The following STK11IP variants were observed in gnomAD, a reference collection of about 807,000 sequenced individuals.
STK11IP encodes the protein serine/threonine kinase 11 interacting protein, also known as serine/threonine-protein kinase 11-interacting protein.
STK11IP carries 103 observed loss-of-function variants against 131.7 expected under a neutral mutation model. The ratio of observed to expected loss-of-function variants is 0.78; its 90% CI spans 0.67 to 0.92. The LOEUF is 0.92. Among genes scored for constraint, STK11IP ranks in the 40% least tolerant of loss-of-function variants. The pLI is 0.00. For missense variants in STK11IP, 1,315 were observed against 1,385.7 expected, an observed-to-expected ratio of 0.95 and a Z score of 0.81; for synonymous variants, 557 against 575.6, an observed-to-expected ratio of 0.97 and a Z score of 0.46.
In STK11IP at chr2:219,606,746, C is replaced by T. The variant is rs1359119212; in HGVS notation, c.1022C>T (p.Pro341Leu). 1.2e-6 allele frequency: 2 copies of T among 1,613,062 alleles called. No individual in the cohort carries two copies. The highest frequency in any genetic ancestry group is 4.5e-5 in the East Asian group (2 of 44,866). The change falls in exon 12 of 25, where the codon CCA becomes CTA. Residue 341 changes from proline to leucine, a missense_variant. Pro to Leu is a moderately conservative substitution (Grantham distance 98, BLOSUM62 -3). Transcript: ENST00000456909. ...TCCTTGGGGCTCAGCCCCATGGGCC[C>T]ACCTTTGCCCTGGCCAGTGGGGAGT... ...HTSLGLSPMGPPLPWPVGSTP... is the reference protein window; with the variant it reads ...HTSLGLSPMGLPLPWPVGSTP...
At position 219,609,395 on chromosome 2, in the gene STK11IP, T is replaced by G; in HGVS notation, c.1959T>G (p.Asn653Lys). The G allele has an allele frequency of 6.2e-7, 1 of 1,613,750 alleles. No individual in the cohort carries two copies. The highest frequency in any genetic ancestry group is 8.5e-7 in the Non-Finnish European group (1 of 1,179,864). ...ELLAVLTPVT[N>K]VAREQLGEAR... ...TTGCCGTGTTGACCCCAGTCACCAA[T>G]GTGGCTCGGGAACAGCTTGGGGAGG... The change falls in exon 17 of 25, where the codon AAT (asparagine) becomes AAG (lysine). Residue 653 changes from asparagine (N) to lysine (K), a missense_variant. Coordinates refer to ENST00000456909, the MANE Select transcript of STK11IP (RefSeq NM_052902.4).
chr2:219,605,525 G>A, intron 7 of STK11IP, 83 bp from the exon 8 acceptor site: 2 of 1,422,606 alleles, frequency 1.4e-6, no homozygotes, highest in South Asian at 1.3e-5. Flanking sequence ...CAAGGTTGAG[G>A]CCTAGTCCAG....
chr2:219,615,697 C>G (rs1366128634), intron 24 of STK11IP: 3 of 639,966 alleles, frequency 4.7e-6, no homozygotes, highest in Non-Finnish European at 8.9e-6. Flanking sequence ...GTTACTGGTC[C>G]TATTTACAGG....
In STK11IP at chr2:219,598,159, G is replaced by A. The variant is rs749442571; in HGVS notation, c.40G>A (p.Ala14Thr). Residue 14 changes from alanine (A) to threonine (T), a missense_variant, in exon 2 of 25, where the codon GCG becomes ACG. Physicochemically the swap from Ala to Thr is moderately conservative, Grantham distance 58. Coordinates refer to ENST00000456909, the MANE Select transcript of STK11IP (RefSeq NM_052902.4). ...GAGGGACTCCCTGTTGTGGAAGCTC[G>A]CGGGGTTGCTGCGGGAGTCCGGTGA... is the stretch of plus-strand genomic sequence containing the variant. ...AQRDSLLWKL[A>T]GLLRESGDVV... 8 of 1,574,190 alleles carry A rather than the reference G, an allele frequency of 5.1e-6. No homozygotes were observed. The highest frequency in any genetic ancestry group is 1.2e-5 in the South Asian group (1 of 85,956).
At position 219,605,880 on chromosome 2, in the gene STK11IP, T is replaced by TC. The variant is rs1698134465; in HGVS notation, c.746-71dup. The stretch of plus-strand genomic sequence containing the variant: ...TCTGGCCGGTCTTTCTGCTGCAACC[T>TC]CCCCCAGTGCATGCACCACACTCAC... On this transcript the variant is annotated intron_variant, in intron 8 of 24. Coordinates refer to ENST00000456909, the MANE Select transcript of STK11IP (RefSeq NM_052902.4). 1.4e-5 allele frequency: 21 copies of TC among 1,469,332 alleles called. No homozygotes were observed. In the South Asian group the frequency reaches 2.4e-4, roughly 17 times the overall value. 91.0% of individuals were successfully genotyped at this position (1,469,332 alleles called of 1,614,324 possible).
Position 219,613,180 on chromosome 2 carries a change from T to G in STK11IP, c.2492T>G (p.Val831Gly), listed in dbSNP as rs1157625744. 6.2e-7 allele frequency: 1 copy of G among 1,609,488 alleles called. No homozygotes were observed. The highest frequency in any genetic ancestry group is 2.2e-5 in the East Asian group (1 of 44,662). Residue 831 changes from valine (V) to glycine (G), a missense_variant, in exon 20 of 25, where the codon GTG becomes GGG. Val to Gly is a moderately radical substitution (Grantham distance 109). Transcript: ENST00000456909. ...GGGGAGTTCATGTGCCTTGTGGTTG[T>G]GTCTGACCGCAGGCTGTACCTGTTG... Reference protein sequence around the residue: ...HTGEFMCLVVVSDRRLYLLKV... With the variant: ...HTGEFMCLVVGSDRRLYLLKV...
intron 21 of STK11IP, 115 bp from the exon 22 acceptor site, chr2:219,614,046 T>G (rs1049649358): frequency 2.0e-6 from 3 of 1,514,100 alleles, no homozygotes; most frequent in Non-Finnish European, 2.7e-6. Context: ...GACTTGTCCC[T>G]TGTAGAAGTT....
chr2:219,607,874 G>T (rs630063), intron 13 of STK11IP, among the ~76,000 whole-genome samples, 173 bp from the exon 14 acceptor site: 128,358 of 152,130 alleles, frequency 0.84, 58,414 homozygotes, highest in East Asian at 1. Flanking sequence ...GTGACCACAG[G>T]GTTCCATAGG....
At position 219,609,113 on chromosome 2, in the gene STK11IP, C is replaced by G. The variant is rs1374965819; in HGVS notation, c.1826C>G (p.Pro609Arg). ...SPRPTGSDLL[P>R]GAPILSLRFS... Reference sequence around the variant, plus strand: ...GCTGCGCAGGGCTCAGATCTGCTCCCTGGAGCCCCCATCCTCAGTCTGCGC... The same window carrying G: ...GCTGCGCAGGGCTCAGATCTGCTCCGTGGAGCCCCCATCCTCAGTCTGCGC... Residue 609 changes from proline (P) to arginine (R), a missense_variant, in exon 16 of 25, where the codon CCT becomes CGT. Transcript: ENST00000456909. The G allele has an allele frequency of 1.2e-6, 2 of 1,602,266 alleles. No individual in the cohort carries two copies. The highest frequency in any genetic ancestry group is 2.7e-5 in the African/African-American group (2 of 74,766).
At position 219,616,208 on chromosome 2, in the gene STK11IP, C is replaced by A. The variant is rs1247467964; in HGVS notation, c.*15C>A. 1.2e-6 allele frequency: 2 copies of A among 1,610,136 alleles called. No individual in the cohort carries two copies. The highest frequency in any genetic ancestry group is 1.7e-6 in the Non-Finnish European group (2 of 1,178,150). Reference sequence around the variant, plus strand: ...TTGACCGATGAGGGTCCCACGCTGACCTTGGCCCTGACCTCAGGAGCCACG... The same window carrying A: ...TTGACCGATGAGGGTCCCACGCTGAACTTGGCCCTGACCTCAGGAGCCACG... On this transcript the variant is annotated 3_prime_UTR_variant, in exon 25 of 25. Transcript: ENST00000456909.
rs1024319146 is a variant in STK11IP at position 219,612,967 on chromosome 2, T to C, written c.2440-161T>C. 9.9e-6 allele frequency: 6 copies of C among 606,946 alleles called. No homozygotes were observed. In the African/African-American group the frequency reaches 1.1e-4, roughly 11 times the overall value. The allele number at this position is 606,946 out of a possible 1,614,324, so 37.6% of individuals were successfully genotyped here. On this transcript the variant is annotated intron_variant, in intron 19 of 24. Coordinates refer to ENST00000456909, the MANE Select transcript of STK11IP (RefSeq NM_052902.4). ...GGGGCTGCAAGGCAGAGAGCGGTGG[T>C]GGATGAAGAGGCTGTCGAGTGTGAG...
rs377049449 is a variant in STK11IP at position 219,602,021 on chromosome 2, C to T, written c.376C>T (p.Leu126Phe). 4 of 1,611,962 alleles carry T rather than the reference C, an allele frequency of 2.5e-6. No individual in the cohort carries two copies. Among genetic ancestry groups the T allele is most frequent in the African/African-American group, 1.3e-5 (1 of 74,892 alleles). The change falls in exon 5 of 25, where the codon CTC (leucine) becomes TTC (phenylalanine). Residue 126 changes from leucine to phenylalanine, a missense_variant. By Grantham distance (22) the Leu-to-Phe change is conservative (BLOSUM62 0). Coordinates refer to ENST00000456909, the MANE Select transcript of STK11IP (RefSeq NM_052902.4). ...TGTTCCCCTCCACTGTCTGCATGGC[C>T]TCCGAGGCATCTACTCCCAGCTGGA... is the stretch of plus-strand genomic sequence containing the variant. ...RGVPLHCLHG[L>F]RGIYSQLETL...
In STK11IP at chr2:219,616,406, TC is replaced by T. The variant is rs1261964465; in HGVS notation, c.*215del. On this transcript the variant is annotated 3_prime_UTR_variant, in exon 25 of 25. Transcript: ENST00000456909. ...GCCACCTGGTCAGGAGGAATATTTTTCCTGCACTTTTTCTCAGGTATCAATA... is the reference window on the plus strand; with the variant it reads ...GCCACCTGGTCAGGAGGAATATTTTTCTGCACTTTTTCTCAGGTATCAATA... The T allele has an allele frequency of 3.9e-5, 22 of 568,540 alleles. No homozygotes were observed. The highest frequency in any genetic ancestry group is 6.2e-5 in the Admixed American group (2 of 32,228). 35.2% of individuals were successfully genotyped at this position (568,540 alleles called of 1,614,324 possible).
Position 219,612,058 on chromosome 2 carries a change from G to C in STK11IP, c.2439G>C (p.Lys813Asn). 1.3e-6 allele frequency: 2 copies of C among 1,596,838 alleles called. No individual in the cohort carries two copies. Among genetic ancestry groups the C allele is most frequent in the Non-Finnish European group, 1.7e-6 (2 of 1,172,092 alleles). The change falls in exon 19 of 25, where the codon AAG (lysine) becomes AAC (asparagine). Residue 813 changes from lysine to asparagine, a missense_variant and splice_region_variant. Lys to Asn is a moderately conservative substitution (Grantham distance 94, BLOSUM62 0). Transcript: ENST00000456909. ...AGGAGGAGTTCCAGTGCTGCCTCAA[G>C]GTCTGTGCTCCCTGACACTGCCCAT... ...DAQEEFQCCLKVPVALAGHTG... is the reference protein window; with the variant it reads ...DAQEEFQCCLNVPVALAGHTG...
In STK11IP at chr2:219,608,453, C is replaced by T. The variant is rs761825818; in HGVS notation, c.1603+23C>T. The T allele has an allele frequency of 2.1e-5, 32 of 1,536,364 alleles. No individual in the cohort carries two copies. In the East Asian group the frequency reaches 2.8e-4, roughly 14 times the overall value. On this transcript the variant is annotated intron_variant, in intron 14 of 24. Transcript: ENST00000456909. ...AAGGTGAGCCCTTTGTGGGCTGGGG[C>T]GAGCTGAGGCCAGGGGCCCTTGGGA...
chr2:219,604,383 G>A (rs1698085399), intron 7 of STK11IP, among the ~76,000 whole-genome samples: 2 of 152,138 alleles, frequency 1.3e-5, no homozygotes, highest in Admixed American at 6.6e-5. Flanking sequence ...TTTGATCAAG[G>A]TGAGAACCTC....
intron 2 of STK11IP, 28 bp from the exon 3 acceptor site, chr2:219,601,207 T>C (rs1198457133): frequency 6.3e-7 from 1 of 1,590,328 alleles, no homozygotes; most frequent in African/African-American, 1.3e-5. Flanking sequence ...CACTGTGTCT[T>C]CCCTCCTGTT....
rs771165619 is a variant in STK11IP at position 219,614,542 on chromosome 2, T to C, written c.2865T>C (p.Val955=). 2.5e-6 allele frequency: 4 copies of C among 1,613,812 alleles called. No homozygotes were observed. The South Asian group carries it at 4.4e-5, about 18-fold the overall frequency. ...TCTTCTACCTTCGGGCGTTCCTGGT[T>C]GAAGGTGAAGCCTCTGTGCAGCTGA... ...RQFFYLRAFL[V]EGPSTCLVSL... Residue 955 remains valine, a synonymous_variant, in exon 23 of 25, where the codon GTT becomes GTC. Coordinates refer to ENST00000456909, the MANE Select transcript of STK11IP (RefSeq NM_052902.4).
intron 17 of STK11IP, chr2:219,610,099 G>A (rs964801078): frequency 6.4e-6 from 1 of 156,200 alleles, no homozygotes; most frequent in Non-Finnish European, 1.4e-5. Context: ...AGAAGACATT[G>A]AAGAAGAAAT....
Sources: gnomAD v4.1 joint callset for allele counts (sites outside exome capture counted in the v4.1 genomes callset) on GRCh38, gnomAD v4.1.1 for gene constraint, MANE v1.5 for transcripts, NCBI Gene and HGNC (gene_info 2026-07-23, HGNC 2026-07-21) for gene names.